CRB1: variants seen among roughly 807,000 people sequenced by gnomAD.
The protein encoded by CRB1 is crumbs cell polarity complex component 1, also known as protein crumbs homolog 1.
A neutral mutation model predicts 120.0 loss-of-function variants in CRB1; 83 were observed. The observed-to-expected ratio is 0.69, with a 90% CI of 0.58 to 0.83. CRB1 has a LOEUF of 0.83. CRB1 is among the 40% of genes least tolerant of loss of function. The pLI, the probability that CRB1 is intolerant of heterozygous loss-of-function variation, is 0.00. For missense variants in CRB1, 1,699 were observed against 1,687.6 expected, an observed-to-expected ratio of 1.01 and a Z score of -0.12; for synonymous variants, 625 against 612.5, an observed-to-expected ratio of 1.02 and a Z score of -0.30.
chr1:197,402,838 T>G (rs1428634322), intron 5 of CRB1, among the ~76,000 whole-genome samples: 2 of 152,244 alleles, frequency 1.3e-5, no homozygotes, highest in Non-Finnish European at 2.9e-5. Context: ...TTTGATTATC[T>G]GCAGTACCAG....
At chr1:197,321,943 A>G (rs948858809) in intron 1 of CRB1, among the ~76,000 whole-genome samples, 1 of 152,192 alleles carries the variant, frequency 6.6e-6, no homozygotes, top group Admixed American at 6.5e-5. Flanking sequence ...TGTCATAAAG[A>G]AGATAATTTA....
the CRB1 span, among the ~76,000 whole-genome samples, chr1:197,249,083 T>C: frequency 6.6e-6 from 1 of 151,974 alleles, no homozygotes; most frequent in Non-Finnish European, 1.5e-5. Flanking sequence ...CATATGTAAA[T>C]AGATAAATTT....
chr1:197,320,869 A>AT (rs1433655647), intron 1 of CRB1, among the ~76,000 whole-genome samples: 19 of 152,186 alleles, frequency 1.2e-4, no homozygotes, highest in Admixed American at 1.2e-3. Context: ...TTATGTTATG[A>AT]TGTCTCATGC....
intron 4 of CRB1, among the ~76,000 whole-genome samples, chr1:197,350,205 G>A (rs1470204376): frequency 6.6e-5 from 10 of 152,178 alleles, no homozygotes; most frequent in Non-Finnish European, 1.5e-5. Flanking sequence ...CAGAAGCAGA[G>A]GGCGGAGTGG....
chr1:197,325,738 G>A (rs190543558), intron 1 of CRB1, among the ~76,000 whole-genome samples: 3 of 152,164 alleles, frequency 2.0e-5, no homozygotes, highest in Non-Finnish European at 4.4e-5. Flanking sequence ...AAATATACAT[G>A]TTCCAGAACA....
At chr1:197,337,775 G>A (rs995800999) in intron 2 of CRB1, among the ~76,000 whole-genome samples, 2 of 151,784 alleles carry the variant, frequency 1.3e-5, no homozygotes, top group South Asian at 2.1e-4. Flanking sequence ...ACTGAAGTTC[G>A]GTCAAAATCT....
chr1:197,311,380 G>T (rs993390654), intron 1 of CRB1, among the ~76,000 whole-genome samples: 1 of 152,154 alleles, frequency 6.6e-6, no homozygotes, highest in African/African-American at 2.4e-5. Flanking sequence ...ACCAGAGCCT[G>T]CAGGGTGAGG....
At position 197,421,709 on chromosome 1, in the gene CRB1, G is replaced by T. The variant is rs1664335390; in HGVS notation, c.1881G>T (p.Leu627=). The change falls in exon 6 of 12, where the codon CTG becomes CTT. Residue 627 remains leucine, a synonymous_variant. Transcript: ENST00000367400. ...PVGMTSNGVA[L]LNFYNMPSTP... ...GAATGACCAGCAATGGTGTTGCTCTGCTTAACTTCTATAATATGCCATCCA... is the reference window on the plus strand; with the variant it reads ...GAATGACCAGCAATGGTGTTGCTCTTCTTAACTTCTATAATATGCCATCCA... 6.2e-7 allele frequency: 1 copy of T among 1,614,016 alleles called. No homozygotes were observed. The highest frequency in any genetic ancestry group is 1.3e-5 in the African/African-American group (1 of 74,918).
the CRB1 span, among the ~76,000 whole-genome samples, chr1:197,221,931 A>T: frequency 6.6e-6 from 1 of 152,180 alleles, no homozygotes; most frequent in Non-Finnish European, 1.5e-5. Flanking sequence ...CTCTTCCAAT[A>T]TTGGGCAACT....
chr1:197,219,351 T>TTAC, the CRB1 span, among the ~76,000 whole-genome samples: 1 of 152,204 alleles, frequency 6.6e-6, no homozygotes, highest in Non-Finnish European at 1.5e-5. Context: ...AATCCACCAC[T>TTAC]TACTGTTTTG....
intron 1 of CRB1, among the ~76,000 whole-genome samples, chr1:197,275,179 A>G (rs1655132864): frequency 6.6e-6 from 1 of 152,010 alleles, no homozygotes; most frequent in Non-Finnish European, 1.5e-5. Flanking sequence ...ATTGGAGTAG[A>G]TTCACCCTAA....
At chr1:197,436,807 T>C (rs1443176845) in intron 9 of CRB1, among the ~76,000 whole-genome samples, 1 of 152,142 alleles carries the variant, frequency 6.6e-6, no homozygotes, top group African/African-American at 2.4e-5. Context: ...AGAATTGTAA[T>C]AAGGCACAGA....
At chr1:197,415,761 G>C (rs1289737372) in intron 5 of CRB1, among the ~76,000 whole-genome samples, 1 of 149,060 alleles carries the variant, frequency 6.7e-6, no homozygotes, top group Non-Finnish European at 1.5e-5. Flanking sequence ...TCCTGCCTCA[G>C]CCTCCTGAGT....
intron 1 of CRB1, among the ~76,000 whole-genome samples, chr1:197,312,292 G>C (rs943364102): frequency 6.6e-6 from 1 of 152,116 alleles, no homozygotes; most frequent in African/African-American, 2.4e-5. Context: ...GGCTGGGTGC[G>C]GTGGCTCATG....
At chr1:197,395,363 C>G (rs1262826448) in intron 5 of CRB1, among the ~76,000 whole-genome samples, 1 of 151,868 alleles carries the variant, frequency 6.6e-6, no homozygotes, top group African/African-American at 2.4e-5. Context: ...TACAAGGAAG[C>G]AAAAAAACAA....
chr1:197,409,672 T>C (rs1663599516), intron 5 of CRB1, among the ~76,000 whole-genome samples: 1 of 152,202 alleles, frequency 6.6e-6, no homozygotes, highest in Admixed American at 6.5e-5. Flanking sequence ...TCATCATCTG[T>C]GAAATGCAGG....
chr1:197,241,025 T>A, the CRB1 span, among the ~76,000 whole-genome samples: 1 of 152,228 alleles, frequency 6.6e-6, no homozygotes, highest in Admixed American at 6.5e-5. Flanking sequence ...TTCATATCCT[T>A]CACCCACTTT....
chr1:197,235,543 G>A, the CRB1 span, among the ~76,000 whole-genome samples: 3 of 152,198 alleles, frequency 2.0e-5, no homozygotes, highest in Non-Finnish European at 4.4e-5. Flanking sequence ...ATGTGCCTCA[G>A]TGGATAGGCT....
intron 5 of CRB1, among the ~76,000 whole-genome samples, chr1:197,404,364 C>G (rs1156553105): frequency 6.7e-6 from 1 of 149,590 alleles, no homozygotes; most frequent in African/African-American, 2.5e-5. Context: ...ATGGCATGAA[C>G]CCGGGAGGCG....
Sources: allele counts gnomAD v4.1 joint callset (sites outside exome capture counted in the v4.1 genomes callset), GRCh38; gene constraint gnomAD v4.1.1; transcripts MANE v1.5; gene names NCBI Gene and HGNC (gene_info 2026-07-23, HGNC 2026-07-21).